The following AGBL4 variants were observed in gnomAD, a reference collection of about 807,000 sequenced individuals.
AGBL4 encodes the protein AGBL carboxypeptidase 4, also known as cytosolic carboxypeptidase 6.
In AGBL4, 58 loss-of-function variants were observed where a neutral mutation model predicts 66.4. The observed-to-expected ratio is 0.87, with a 90% CI of 0.71 to 1.09. The LOEUF (loss-of-function observed/expected upper bound fraction) is 1.09, where lower values mean the gene tolerates loss of function less well. Ranked by LOEUF, AGBL4 falls within the 50% of genes least tolerant of loss-of-function variation. The pLI is 0.00. For synonymous variants in AGBL4, 234 were observed against 222.9 expected (o/e 1.05, Z -0.44); for missense variants, 579 against 631.0 (o/e 0.92, Z 0.88).
intron 3 of AGBL4, among the ~76,000 whole-genome samples, chr1:49,563,896 C>T (rs1644121908): frequency 6.6e-6 from 1 of 152,180 alleles, no homozygotes; most frequent in Non-Finnish European, 1.5e-5. Context: ...ACCAGCTCCT[C>T]CTTGTACCTC....
intron 2 of AGBL4, among the ~76,000 whole-genome samples, chr1:49,728,532 G>C (rs568446565): frequency 2.6e-4 from 40 of 152,308 alleles, no homozygotes; most frequent in Non-Finnish European, 1.6e-4. Context: ...CTATTAGTTT[G>C]TAATGAGCTT....
At chr1:49,275,523 T>C (rs760657154) in intron 3 of AGBL4, among the ~76,000 whole-genome samples, 31 of 152,194 alleles carry the variant, frequency 2.0e-4, no homozygotes, top group African/African-American at 2.9e-4. Flanking sequence ...ATGCAAATAG[T>C]CATGCCAAGA....
At chr1:49,821,076 CCT>C (rs1465520553) in intron 2 of AGBL4, among the ~76,000 whole-genome samples, 1 of 152,078 alleles carries the variant, frequency 6.6e-6, no homozygotes, top group African/African-American at 2.4e-5. Context: ...CCCACTAGCC[CCT>C]GAGGTCTACC....
chr1:48,742,048 C>T (rs917719992), intron 6 of AGBL4, among the ~76,000 whole-genome samples: 4 of 152,306 alleles, frequency 2.6e-5, no homozygotes, highest in South Asian at 2.1e-4. Context: ...ATATAAATAA[C>T]GCTGAGTAGT....
chr1:50,014,501 C>CTAAA (rs1661798575), intron 1 of AGBL4, among the ~76,000 whole-genome samples: 1 of 151,290 alleles, frequency 6.6e-6, no homozygotes, highest in African/African-American at 2.4e-5. Flanking sequence ...GATCAGTTTC[C>CTAAA]TAAATAGACC....
intron 2 of AGBL4, among the ~76,000 whole-genome samples, chr1:49,744,978 T>G (rs1306323510): frequency 6.6e-6 from 1 of 152,026 alleles, no homozygotes; most frequent in African/African-American, 2.4e-5. Context: ...AATAGTATGA[T>G]AGTAGTGAAG....
intron 3 of AGBL4, among the ~76,000 whole-genome samples, chr1:49,581,118 C>T (rs186644639): frequency 6.6e-6 from 1 of 151,838 alleles, no homozygotes; most frequent in African/African-American, 2.4e-5. Context: ...CTTTCTTCTG[C>T]TTGGTTTGGT....
At chr1:49,947,041 C>A (rs895108301) in intron 1 of AGBL4, among the ~76,000 whole-genome samples, 3 of 151,188 alleles carry the variant, frequency 2.0e-5, no homozygotes, top group African/African-American at 2.4e-5. Context: ...CAATAACAAG[C>A]AGAGAGATTG....
chr1:49,564,149 G>A (rs1644129864), intron 3 of AGBL4, among the ~76,000 whole-genome samples: 1 of 151,920 alleles, frequency 6.6e-6, no homozygotes, highest in African/African-American at 2.4e-5. Context: ...TGGGATCGGT[G>A]GTGATGTCCC....
At chr1:49,402,325 T>G (rs1197164739) in intron 3 of AGBL4, among the ~76,000 whole-genome samples, 1 of 152,234 alleles carries the variant, frequency 6.6e-6, no homozygotes, top group East Asian at 1.9e-4. Flanking sequence ...CTAAAAACTT[T>G]CCACTTCACA....
chr1:49,399,491 T>A (rs149093272), intron 3 of AGBL4, among the ~76,000 whole-genome samples: 1 of 152,294 alleles, frequency 6.6e-6, no homozygotes, highest in East Asian at 1.9e-4. Context: ...TTTCTCTACA[T>A]CCTCACCAGC....
At chr1:49,288,765 G>A (rs972464493) in intron 3 of AGBL4, among the ~76,000 whole-genome samples, 1 of 152,178 alleles carries the variant, frequency 6.6e-6, no homozygotes, top group Non-Finnish European at 1.5e-5. Flanking sequence ...GTGCACTTGA[G>A]ATGAAGGGCT....
chr1:49,677,345 T>C (rs527826473), intron 3 of AGBL4, among the ~76,000 whole-genome samples: 4 of 152,166 alleles, frequency 2.6e-5, no homozygotes, highest in African/African-American at 9.6e-5. Context: ...CTGCATCAAC[T>C]GATATGATCA....
chr1:49,576,335 C>A (rs1644435816), intron 3 of AGBL4, among the ~76,000 whole-genome samples: 1 of 152,148 alleles, frequency 6.6e-6, no homozygotes, highest in Non-Finnish European at 1.5e-5. Context: ...GCCACTTGGG[C>A]CATATGACCC....
intron 6 of AGBL4, among the ~76,000 whole-genome samples, chr1:48,733,918 A>G (rs560842820): frequency 2.9e-4 from 44 of 152,310 alleles, no homozygotes; most frequent in African/African-American, 8.4e-4. Context: ...AGATCCCTGA[A>G]GGAGACACAC....
At chr1:49,311,947 C>T (rs1373434772) in intron 3 of AGBL4, among the ~76,000 whole-genome samples, 1 of 151,980 alleles carries the variant, frequency 6.6e-6, no homozygotes, top group Non-Finnish European at 1.5e-5. Context: ...AACTCATTCA[C>T]TTACTAACCA....
intron 3 of AGBL4, among the ~76,000 whole-genome samples, chr1:49,403,378 T>C (rs772779808): frequency 5.3e-5 from 8 of 152,194 alleles, no homozygotes; most frequent in Non-Finnish European, 1.0e-4. Flanking sequence ...GCAAAATGTG[T>C]TTCTTGTAGG....
intron 3 of AGBL4, among the ~76,000 whole-genome samples, chr1:49,292,886 A>G (rs1034947841): frequency 5.3e-5 from 8 of 152,310 alleles, no homozygotes; most frequent in South Asian, 2.1e-4. Context: ...TTTTTCCTGG[A>G]CACAAGATAA....
At chr1:48,663,336 G>A (rs1646137535) in intron 6 of AGBL4, 95 bp from the exon 7 acceptor site, 1 of 1,167,718 alleles carries the variant, frequency 8.6e-7, no homozygotes, top group Non-Finnish European at 1.3e-6. Flanking sequence ...GGAATGGGCT[G>A]GATGTTTTAC....
Sources: allele counts gnomAD v4.1 joint callset (sites outside exome capture counted in the v4.1 genomes callset), GRCh38; gene constraint gnomAD v4.1.1; transcripts MANE v1.5; gene names NCBI Gene and HGNC (gene_info 2026-07-23, HGNC 2026-07-21).